Variants in SOX5 observed in about 807,000 individuals in gnomAD.
SOX5 encodes the protein SRY-box transcription factor 5.
A neutral mutation model predicts 92.0 loss-of-function variants in SOX5; 9 were observed. The observed-to-expected ratio is 0.10, with a 90% CI of 0.06 to 0.17. SOX5 has a LOEUF of 0.17. SOX5 is among the 10% of genes least tolerant of loss of function. The pLI, the probability that SOX5 is intolerant of heterozygous loss-of-function variation, is 1.00. For missense variants in SOX5, 642 were observed against 944.5 expected, an observed-to-expected ratio of 0.68 and a Z score of 4.20; for synonymous variants, 344 against 336.3, an observed-to-expected ratio of 1.02 and a Z score of -0.25.
chr12:24,366,610 A>G (rs1956196109), intron 2 of SOX5, among the ~76,000 whole-genome samples: 1 of 152,118 alleles, frequency 6.6e-6, no homozygotes, highest in Non-Finnish European at 1.5e-5. Flanking sequence ...ATGTTAGTAA[A>G]GCACATGCAC....
intron 1 of SOX5, among the ~76,000 whole-genome samples, chr12:24,369,799 A>C (rs1290418463): frequency 6.6e-6 from 1 of 152,228 alleles, no homozygotes; most frequent in Non-Finnish European, 1.5e-5. Flanking sequence ...TCTAATCTTG[A>C]CACTAACAAT....
At chr12:24,189,171 A>C (rs951686227) in intron 4 of SOX5, among the ~76,000 whole-genome samples, 2 of 152,116 alleles carry the variant, frequency 1.3e-5, no homozygotes, top group Non-Finnish European at 2.9e-5. Flanking sequence ...TTAGAACTTG[A>C]ATGTCTATTC....
At chr12:24,137,776 A>G (rs1402352912) in intron 4 of SOX5, among the ~76,000 whole-genome samples, 2 of 152,248 alleles carry the variant, frequency 1.3e-5, no homozygotes, top group Admixed American at 6.5e-5. Flanking sequence ...TGATATCACA[A>G]TGAGTTAGAA....
At chr12:23,589,766 TC>T (rs1951267336) in intron 9 of SOX5, among the ~76,000 whole-genome samples, 1 of 150,898 alleles carries the variant, frequency 6.6e-6, no homozygotes. Context: ...TTAGGTACAA[TC>T]TTATTCTACT....
intron 4 of SOX5, among the ~76,000 whole-genome samples, chr12:24,129,083 C>T (rs1042643692): frequency 5.9e-5 from 9 of 152,184 alleles, no homozygotes; most frequent in Non-Finnish European, 1.3e-4. Context: ...CATGACTTAA[C>T]TTCACATTGT....
intron 6 of SOX5, among the ~76,000 whole-genome samples, chr12:23,702,716 T>C (rs2090830124): frequency 6.6e-6 from 1 of 151,984 alleles, no homozygotes; most frequent in Non-Finnish European, 1.5e-5. Context: ...GCTAATCTTA[T>C]GCTGAAGAGA....
intron 4 of SOX5, among the ~76,000 whole-genome samples, chr12:23,973,939 T>A (rs1948633447): frequency 1.3e-5 from 2 of 152,156 alleles, no homozygotes; most frequent in African/African-American, 4.8e-5. Context: ...CCATCCCCAC[T>A]CCCTGCCTGT....
chr12:24,078,909 T>C (rs1489277939), intron 4 of SOX5, among the ~76,000 whole-genome samples: 1 of 152,080 alleles, frequency 6.6e-6, no homozygotes, highest in Non-Finnish European at 1.5e-5. Context: ...ATTGTCATTA[T>C]AGAATTTTTT....
chr12:24,090,897 A>C (rs141636308), intron 4 of SOX5, among the ~76,000 whole-genome samples: 2 of 152,192 alleles, frequency 1.3e-5, no homozygotes, highest in Non-Finnish European at 2.9e-5. Flanking sequence ...AGCACCTGAC[A>C]ATCAAGACTG....
chr12:24,213,813 T>G (rs1958925675), intron 3 of SOX5, among the ~76,000 whole-genome samples: 1 of 152,108 alleles, frequency 6.6e-6, no homozygotes, highest in East Asian at 1.9e-4. Flanking sequence ...CATCATATGA[T>G]TAATTCAGCC....
intron 3 of SOX5, among the ~76,000 whole-genome samples, chr12:24,216,390 A>C (rs895554595): frequency 6.6e-6 from 1 of 152,102 alleles, no homozygotes; most frequent in African/African-American, 2.4e-5. Context: ...AGGCTGGGGC[A>C]GGAGAATGGC....
intron 3 of SOX5, chr12:24,227,078 TG>T (rs1962215585): frequency 6.6e-6 from 1 of 152,250 alleles, no homozygotes; most frequent in Non-Finnish European, 1.5e-5. Flanking sequence ...ATGGACGTAA[TG>T]GACAGGGTGC....
At chr12:23,606,180 T>G (rs2075235441) in intron 8 of SOX5, among the ~76,000 whole-genome samples, 1 of 151,858 alleles carries the variant, frequency 6.6e-6, no homozygotes, top group Non-Finnish European at 1.5e-5. Context: ...ACTTATAAAG[T>G]CTTTAAGAAA....
chr12:24,523,609 C>A (rs940404588), intron 1 of SOX5, among the ~76,000 whole-genome samples: 8 of 152,140 alleles, frequency 5.3e-5, no homozygotes, highest in African/African-American at 1.9e-4. Flanking sequence ...ATCTGATCTG[C>A]AACAAGGGTG....
intron 3 of SOX5, among the ~76,000 whole-genome samples, chr12:23,796,391 C>T (rs930197416): frequency 1.3e-5 from 2 of 152,078 alleles, no homozygotes; most frequent in African/African-American, 2.4e-5. Context: ...AAGAGAAGTA[C>T]ATTTGAATGA....
chr12:23,990,034 T>C (rs1193461867), intron 4 of SOX5, among the ~76,000 whole-genome samples: 1 of 151,272 alleles, frequency 6.6e-6, no homozygotes, highest in Non-Finnish European at 1.5e-5. Context: ...CACAATATAA[T>C]TCTAAATAAG....
chr12:24,027,934 G>A (rs546794840), intron 4 of SOX5, among the ~76,000 whole-genome samples: 5 of 152,026 alleles, frequency 3.3e-5, no homozygotes, highest in African/African-American at 9.6e-5. Context: ...CAAGTTAGCA[G>A]GGCCTTCTCC....
At chr12:24,282,409 T>C (rs1945319163) in intron 2 of SOX5, among the ~76,000 whole-genome samples, 1 of 151,036 alleles carries the variant, frequency 6.6e-6, no homozygotes, top group Non-Finnish European at 1.5e-5. Context: ...AAAATCAATA[T>C]TCATCAGAAA....
At chr12:24,204,855 T>C (rs1021318443) in intron 4 of SOX5, among the ~76,000 whole-genome samples, 2 of 150,406 alleles carry the variant, frequency 1.3e-5, no homozygotes, top group Non-Finnish European at 3.0e-5. Flanking sequence ...AGCATGTGAA[T>C]GGTTAATTCA....
Sources: gnomAD v4.1 joint callset for allele counts (sites outside exome capture counted in the v4.1 genomes callset) on GRCh38, gnomAD v4.1.1 for gene constraint, MANE v1.5 for transcripts, NCBI Gene and HGNC (gene_info 2026-07-23, HGNC 2026-07-21) for gene names.